Variants in LRP1B observed in about 807,000 individuals in gnomAD.
LRP1B encodes the protein LDL receptor related protein 1B.
A neutral mutation model predicts 556.6 loss-of-function variants in LRP1B; 217 were observed. That is an observed-to-expected ratio of 0.39 (90% CI 0.35 to 0.44). The LOEUF (loss-of-function observed/expected upper bound fraction) is 0.44, where lower values mean the gene tolerates loss of function less well. Among genes scored for constraint, LRP1B ranks in the 20% least tolerant of loss-of-function variants. LRP1B has a pLI of 1.00. For synonymous variants in LRP1B, 2,047 were observed against 1,865.8 expected, an observed-to-expected ratio of 1.10 and a Z score of -2.50; for missense variants, 5,053 against 5,620.8, an observed-to-expected ratio of 0.90 and a Z score of 3.23.
At chr2:141,761,921 G>C (rs1405096207) in intron 2 of LRP1B, among the ~76,000 whole-genome samples, 1 of 152,096 alleles carries the variant, frequency 6.6e-6, no homozygotes, top group Admixed American at 6.6e-5. Context: ...AGTTTGCTCA[G>C]TGCTCCAGGA....
chr2:141,748,938 A>G (rs2105561700), intron 2 of LRP1B, among the ~76,000 whole-genome samples: 1 of 152,324 alleles, frequency 6.6e-6, no homozygotes, highest in African/African-American at 2.4e-5. Context: ...ATACTCTTCT[A>G]GAAAGAAGGA....
chr2:141,051,700 A>G (rs759871693), intron 10 of LRP1B, among the ~76,000 whole-genome samples: 21 of 152,218 alleles, frequency 1.4e-4, no homozygotes, highest in Middle Eastern at 3.4e-3. Context: ...TAAATTTTTA[A>G]AAGAGTTTTA....
intron 5 of LRP1B, among the ~76,000 whole-genome samples, chr2:141,241,880 C>T (rs376746570): frequency 1.6e-4 from 25 of 151,680 alleles, no homozygotes; most frequent in Middle Eastern, 3.4e-3. Context: ...TTTGAAGTTA[C>T]GGCTCAATGA....
At chr2:141,446,135 G>A (rs1384290146) in intron 3 of LRP1B, among the ~76,000 whole-genome samples, 1 of 152,078 alleles carries the variant, frequency 6.6e-6, no homozygotes, top group African/African-American at 2.4e-5. Flanking sequence ...AGGATAGTTA[G>A]CTCTTCTTGT....
intron 3 of LRP1B, among the ~76,000 whole-genome samples, chr2:141,326,028 T>C (rs1573808745): frequency 6.6e-6 from 1 of 152,142 alleles, no homozygotes; most frequent in African/African-American, 2.4e-5. Context: ...AAAAACACAA[T>C]TAACATTAAA....
chr2:140,326,379 T>C (rs377343729), intron 79 of LRP1B, among the ~76,000 whole-genome samples: 28 of 147,358 alleles, frequency 1.9e-4, no homozygotes, highest in Admixed American at 1.1e-3. Context: ...CCATTCAGAG[T>C]TGGCCAACGG....
chr2:140,598,807 G>T lies in LRP1B; in HGVS notation c.7018C>A (p.Gln2340Lys). ...GTAGATCTCATGATACTTGGATGTT[G>T]TTCATTCCAGTTGGTCCAAAACATT... is the stretch of plus-strand genomic sequence containing the variant. ...NLMFWTNWNE[Q>K]HPSIMRSTLT... Residue 2340 changes from glutamine (Q) to lysine (K), a missense_variant, in exon 43 of 91, where the codon CAA becomes AAA. Coordinates refer to ENST00000389484, the MANE Select transcript of LRP1B (RefSeq NM_018557.3). 1 of 1,608,668 alleles carries T rather than the reference G, an allele frequency of 6.2e-7. No individual in the cohort carries two copies. Among genetic ancestry groups the T allele is most frequent in the South Asian group, 1.1e-5 (1 of 90,966 alleles).
chr2:141,297,755 G>A (rs116495399), intron 3 of LRP1B, among the ~76,000 whole-genome samples: 4 of 152,032 alleles, frequency 2.6e-5, no homozygotes, highest in Admixed American at 2.0e-4. Flanking sequence ...ATATACAACG[G>A]TGCTCCCTAA....
At chr2:141,199,786 AAAG>A (rs1446382304) in intron 6 of LRP1B, among the ~76,000 whole-genome samples, 1 of 152,226 alleles carries the variant, frequency 6.6e-6, no homozygotes, top group East Asian at 1.9e-4. Context: ...ACATTTCTCA[AAAG>A]AAGACATACA....
chr2:141,991,671 A>T (rs896142606), intron 1 of LRP1B, among the ~76,000 whole-genome samples: 5 of 152,042 alleles, frequency 3.3e-5, no homozygotes, highest in African/African-American at 7.2e-5. Context: ...GAGGAAACAG[A>T]CTTAGTTTTT....
chr2:141,066,486 G>A (rs947019034), intron 7 of LRP1B, among the ~76,000 whole-genome samples: 1 of 151,854 alleles, frequency 6.6e-6, no homozygotes, highest in African/African-American at 2.4e-5. Flanking sequence ...TACTTTAAAG[G>A]AAAGCAATTG....
At chr2:141,377,368 T>C (rs547839697) in intron 3 of LRP1B, among the ~76,000 whole-genome samples, 11 of 152,212 alleles carry the variant, frequency 7.2e-5, no homozygotes, top group Non-Finnish European at 1.3e-4. Flanking sequence ...GTTTTTTCTT[T>C]TTTTACGTAA....
intron 2 of LRP1B, among the ~76,000 whole-genome samples, chr2:141,717,629 C>T (rs971478299): frequency 6.6e-6 from 1 of 152,150 alleles, no homozygotes; most frequent in African/African-American, 2.4e-5. Context: ...GGAATAAAGA[C>T]AGATTTTTCT....
intron 3 of LRP1B, among the ~76,000 whole-genome samples, chr2:141,459,871 A>G (rs1681792831): frequency 6.6e-6 from 1 of 152,178 alleles, no homozygotes; most frequent in African/African-American, 2.4e-5. Flanking sequence ...TCCAGAAGGC[A>G]TGGATATGCA....
At chr2:140,537,460 C>G (rs1296360962) in intron 45 of LRP1B, among the ~76,000 whole-genome samples, 18 of 151,878 alleles carry the variant, frequency 1.2e-4, no homozygotes. Flanking sequence ...TCTGATGAAA[C>G]CTCAGTAGCA....
intron 2 of LRP1B, among the ~76,000 whole-genome samples, chr2:141,500,852 T>C (rs114782520): frequency 6.6e-6 from 1 of 152,246 alleles, no homozygotes; most frequent in African/African-American, 2.4e-5. Flanking sequence ...AACTCCTCTA[T>C]TGCTTTAGAA....
chr2:141,586,978 A>G (rs1177217155), intron 2 of LRP1B, among the ~76,000 whole-genome samples: 2 of 151,674 alleles, frequency 1.3e-5, no homozygotes, highest in Non-Finnish European at 1.5e-5. Flanking sequence ...AGAGAGAGAG[A>G]AAGGGAGAGG....
At chr2:141,897,014 T>A (rs982217838) in intron 1 of LRP1B, among the ~76,000 whole-genome samples, 1 of 152,146 alleles carries the variant, frequency 6.6e-6, no homozygotes, top group Non-Finnish European at 1.5e-5. Context: ...CCAAGCTATA[T>A]CATTGCCTGA....
chr2:142,071,933 T>G (rs1705329662), intron 1 of LRP1B, among the ~76,000 whole-genome samples: 1 of 151,982 alleles, frequency 6.6e-6, no homozygotes, highest in African/African-American at 2.4e-5. Context: ...AAACTAGATC[T>G]TCTTCCTGTG....
Sources: allele counts gnomAD v4.1 joint callset (sites outside exome capture counted in the v4.1 genomes callset), GRCh38; gene constraint gnomAD v4.1.1; transcripts MANE v1.5; gene names NCBI Gene and HGNC (gene_info 2026-07-23, HGNC 2026-07-21).